Variants in STX8 observed in about 807,000 individuals in gnomAD.
STX8 encodes syntaxin-8.
In STX8, 23 loss-of-function variants were observed where a neutral mutation model predicts 37.5. The observed-to-expected ratio is 0.61, with a 90% CI of 0.44 to 0.87. The LOEUF is 0.87. Ranked by LOEUF, STX8 falls within the 40% of genes least tolerant of loss-of-function variation. The probability of loss-of-function intolerance (pLI) is 0.00; values close to 1 mark genes in which losing one functional copy is unlikely to be tolerated. For missense variants in STX8, 313 were observed against 284.7 expected (o/e 1.10, Z -0.71); for synonymous variants, 115 against 99.1 (o/e 1.16, Z -0.95).
At chr17:9,479,354 C>T (rs1193821543) in intron 6 of STX8, among the ~76,000 whole-genome samples, 6 of 151,834 alleles carry the variant, frequency 4.0e-5, no homozygotes, top group Admixed American at 3.9e-4. Context: ...GCCAACATGG[C>T]GAAAACCCAT....
rs536842636 is a variant in STX8 at position 9,436,109 on chromosome 17, G to A, written c.541+55720C>T. Among the ~76,000 whole-genome samples the A allele has an allele frequency of 3.9e-5, 6 of 152,000 alleles. No homozygotes were observed. The South Asian group carries it at 8.3e-4, about 21-fold the overall frequency. On this transcript the variant is annotated intron_variant, in intron 6 of 7. Coordinates refer to ENST00000306357, the MANE Select transcript of STX8 (RefSeq NM_004853.3). The stretch of plus-strand genomic sequence containing the variant: ...AAAATGTACCCCACCTTGGCTGGGC[G>A]CCGTGGCTCACGAGGTCAGGTGATC...
At chr17:9,391,316 G>C (rs1303936067) in intron 6 of STX8, among the ~76,000 whole-genome samples, 2 of 152,178 alleles carry the variant, frequency 1.3e-5, no homozygotes, top group East Asian at 3.9e-4. Flanking sequence ...GCCAGACATG[G>C]TGGTGCATGC....
intron 7 of STX8, among the ~76,000 whole-genome samples, chr17:9,341,373 G>A (rs1910351225): frequency 6.6e-6 from 1 of 152,152 alleles, no homozygotes; most frequent in South Asian, 2.1e-4. Context: ...TCTAATAAAC[G>A]AAAGAGTGAA....
In STX8 at chr17:9,548,823, T is replaced by TA. The variant is rs199661465; in HGVS notation, c.213-3542dup. On this transcript the variant is annotated intron_variant, in intron 3 of 7. Transcript: ENST00000306357. ...AGTGAGTAGTGTGCTCCCACTTTGT[T>TA]AAAAAAAAATCCTAACTATATATGT... Among the ~76,000 whole-genome samples the TA allele has an allele frequency of 3.6e-3, 538 of 151,422 alleles. 3 individuals are homozygous for TA. Among genetic ancestry groups the TA allele is most frequent in the African/African-American group, 0.012 (508 of 41,320 alleles).
chr17:9,307,399 G>C (rs113925905), intron 7 of STX8, among the ~76,000 whole-genome samples: 2 of 152,110 alleles, frequency 1.3e-5, no homozygotes. Context: ...TCCTGACTTC[G>C]GTCTTCCTCT....
At chr17:9,363,856 C>T (rs982364307) in intron 7 of STX8, among the ~76,000 whole-genome samples, 3 of 151,962 alleles carry the variant, frequency 2.0e-5, no homozygotes, top group Admixed American at 6.6e-5. Context: ...GAGGTGGTCA[C>T]GGTGATAGCT....
At chr17:9,329,412 C>A (rs148712917) in intron 7 of STX8, among the ~76,000 whole-genome samples, 1 of 152,210 alleles carries the variant, frequency 6.6e-6, no homozygotes, top group Non-Finnish European at 1.5e-5. Flanking sequence ...CTAAATCACT[C>A]GCTCTCTGGC....
chr17:9,391,050 A>G (rs1001262948), intron 6 of STX8, among the ~76,000 whole-genome samples: 1 of 152,190 alleles, frequency 6.6e-6, no homozygotes, highest in African/African-American at 2.4e-5. Flanking sequence ...TATGCTAATG[A>G]CACTGCAGTT....
intron 7 of STX8, among the ~76,000 whole-genome samples, chr17:9,297,514 C>T (rs1908608585): frequency 6.6e-6 from 1 of 152,164 alleles, no homozygotes; most frequent in Non-Finnish European, 1.5e-5. Flanking sequence ...GCATTCGTGA[C>T]TTCTCATACA....
intron 6 of STX8, among the ~76,000 whole-genome samples, chr17:9,427,754 G>T (rs536576639): frequency 1.3e-5 from 2 of 152,284 alleles, no homozygotes; most frequent in South Asian, 2.1e-4. Context: ...CCTGCTGGGA[G>T]CCCAGAGTCC....
chr17:9,285,413 T>TA (rs56156370), intron 7 of STX8, among the ~76,000 whole-genome samples: 25,664 of 108,342 alleles, frequency 0.24, 2,600 homozygotes, highest in Middle Eastern at 0.33. Context: ...AAAGTAGTGA[T>TA]AAAAAAAAAA....
chr17:9,535,492 G>A (rs1241915651), intron 4 of STX8, among the ~76,000 whole-genome samples: 1 of 133,994 alleles, frequency 7.5e-6, no homozygotes, highest in Non-Finnish European at 1.5e-5. Flanking sequence ...GAGTGCAGTG[G>A]CGCAATCTCG....
intron 7 of STX8, among the ~76,000 whole-genome samples, chr17:9,326,995 TA>T (rs1324930867): frequency 2.0e-5 from 3 of 151,944 alleles, no homozygotes; most frequent in African/African-American, 7.2e-5. Flanking sequence ...TCATCTCTAC[TA>T]AAAATACAAA....
At chr17:9,539,327 G>A (rs1906183592) in intron 4 of STX8, among the ~76,000 whole-genome samples, 1 of 152,178 alleles carries the variant, frequency 6.6e-6, no homozygotes, top group Non-Finnish European at 1.5e-5. Context: ...GAGGAAAAGA[G>A]CGTTGTGCAA....
chr17:9,267,410 G>A (rs992330724), intron 7 of STX8, among the ~76,000 whole-genome samples: 1 of 152,140 alleles, frequency 6.6e-6, no homozygotes, highest in Non-Finnish European at 1.5e-5. Flanking sequence ...TCCAATCTTT[G>A]GATAGAAAGC....
intron 7 of STX8, among the ~76,000 whole-genome samples, chr17:9,356,019 GACC>G (rs1250056944): frequency 6.6e-6 from 1 of 152,050 alleles, no homozygotes; most frequent in Non-Finnish European, 1.5e-5. Flanking sequence ...TTTTTTCACA[GACC>G]ACCTCTCAGT....
intron 7 of STX8, among the ~76,000 whole-genome samples, chr17:9,308,089 G>A (rs1320655116): frequency 2.0e-5 from 3 of 152,282 alleles, no homozygotes; most frequent in African/African-American, 7.2e-5. Flanking sequence ...AAGACCCAAG[G>A]GGAAAATGTC....
At chr17:9,551,515 C>G (rs955562440) in intron 3 of STX8, among the ~76,000 whole-genome samples, 1 of 152,170 alleles carries the variant, frequency 6.6e-6, no homozygotes, top group African/African-American at 2.4e-5. Flanking sequence ...ATAATCTCAT[C>G]CTTACACAAC....
chr17:9,566,194 C>A (rs1342929531), intron 2 of STX8, among the ~76,000 whole-genome samples: 1 of 151,982 alleles, frequency 6.6e-6, no homozygotes, highest in South Asian at 2.1e-4. Context: ...CCAAAAAAAA[C>A]AGGAAAAAAA....
Sources: allele counts gnomAD v4.1 joint callset (sites outside exome capture counted in the v4.1 genomes callset), GRCh38; gene constraint gnomAD v4.1.1; transcripts MANE v1.5; gene names NCBI Gene and HGNC (gene_info 2026-07-23, HGNC 2026-07-21).